The following GABRG3 variants were observed in gnomAD, a reference collection of about 807,000 sequenced individuals.
GABRG3 encodes gamma-aminobutyric acid receptor subunit gamma-3.
A neutral mutation model predicts 48.8 loss-of-function variants in GABRG3; 25 were observed. The observed-to-expected ratio is 0.51, with a 90% CI of 0.37 to 0.72. GABRG3 has a LOEUF of 0.72. Among genes scored for constraint, GABRG3 ranks in the 30% least tolerant of loss-of-function variants. The pLI is 0.00. For synonymous variants in GABRG3, 227 were observed against 217.6 expected, an observed-to-expected ratio of 1.04 and a Z score of -0.38; for missense variants, 394 against 577.9, an observed-to-expected ratio of 0.68 and a Z score of 3.26.
intron 3 of GABRG3, among the ~76,000 whole-genome samples, chr15:27,177,721 T>C (rs1057219989): frequency 3.3e-5 from 5 of 152,170 alleles, no homozygotes; most frequent in African/African-American, 7.2e-5. Flanking sequence ...TTAAATAAGG[T>C]AGCAAAATAG....
chr15:27,200,831 C>T (rs1888658023), intron 3 of GABRG3, among the ~76,000 whole-genome samples: 1 of 152,120 alleles, frequency 6.6e-6, no homozygotes, highest in African/African-American at 2.4e-5. Flanking sequence ...GTCTTCACTT[C>T]TGACAGAAGT....
intron 3 of GABRG3, among the ~76,000 whole-genome samples, chr15:27,127,947 A>G (rs1046825083): frequency 2.0e-5 from 3 of 152,202 alleles, no homozygotes; most frequent in African/African-American, 7.2e-5. Flanking sequence ...TGCTGGTGAT[A>G]AAGCGTCTCC....
intron 3 of GABRG3, among the ~76,000 whole-genome samples, chr15:27,063,314 G>A (rs969676621): frequency 6.6e-6 from 1 of 152,234 alleles, no homozygotes; most frequent in Non-Finnish European, 1.5e-5. Flanking sequence ...CTTGTGGAGT[G>A]CCTGATGTAG....
At chr15:27,200,234 T>A (rs1888638364) in intron 3 of GABRG3, among the ~76,000 whole-genome samples, 1 of 152,242 alleles carries the variant, frequency 6.6e-6, no homozygotes, top group African/African-American at 2.4e-5. Context: ...GTGCAGCTGT[T>A]GACCTGTTAA....
chr15:26,984,226 T>A (rs1895109022), intron 2 of GABRG3, among the ~76,000 whole-genome samples: 1 of 152,160 alleles, frequency 6.6e-6, no homozygotes, highest in African/African-American at 2.4e-5. Context: ...CTGGTCTTTT[T>A]TTTTCCCTCT....
chr15:27,471,622 C>T (rs572093774), intron 5 of GABRG3, among the ~76,000 whole-genome samples: 18 of 152,270 alleles, frequency 1.2e-4, no homozygotes, highest in Admixed American at 7.8e-4. Context: ...ATATCTGTTT[C>T]CCTATCATAA....
chr15:27,262,852 C>T (rs887418986), intron 3 of GABRG3, among the ~76,000 whole-genome samples: 7 of 152,184 alleles, frequency 4.6e-5, no homozygotes, highest in Non-Finnish European at 1.0e-4. Context: ...TTTGAGATAA[C>T]AGAGAGTGCA....
At chr15:27,133,193 A>G (rs1191202398) in intron 3 of GABRG3, among the ~76,000 whole-genome samples, 1 of 152,104 alleles carries the variant, frequency 6.6e-6, no homozygotes, top group South Asian at 2.1e-4. Context: ...AGTGAATATG[A>G]TCATCCTTCC....
intron 5 of GABRG3, among the ~76,000 whole-genome samples, chr15:27,418,097 C>G (rs1329557792): frequency 6.6e-6 from 1 of 152,216 alleles, no homozygotes; most frequent in Non-Finnish European, 1.5e-5. Context: ...CTACAAAGCA[C>G]TGAATGCTCA....
chr15:27,307,789 T>TATATAAAATAAACATAAAC (rs1485899747), intron 3 of GABRG3, among the ~76,000 whole-genome samples: 47 of 67,806 alleles, frequency 6.9e-4, no homozygotes, highest in African/African-American at 1.5e-3. Flanking sequence ...TATATAAACA[T>TATATAAAATAAACATAAAC]ATATATAAAA....
chr15:27,359,242 C>G (rs150752672), intron 5 of GABRG3, among the ~76,000 whole-genome samples: 18 of 152,216 alleles, frequency 1.2e-4, no homozygotes, highest in Non-Finnish European at 2.2e-4. Context: ...CTCCCCGCTA[C>G]GGTGGGGAGA....
At chr15:27,210,225 C>G (rs1229299967) in intron 3 of GABRG3, among the ~76,000 whole-genome samples, 1 of 152,180 alleles carries the variant, frequency 6.6e-6, no homozygotes, top group Non-Finnish European at 1.5e-5. Flanking sequence ...GCCCCCATTC[C>G]TCCTCAGCAC....
At position 27,532,965 on chromosome 15, in the gene GABRG3, G is replaced by A; in HGVS notation, c.*84G>A. 3.0e-6 allele frequency: 4 copies of A among 1,342,194 alleles called. No homozygotes were observed. In the African/African-American group the frequency reaches 4.3e-5, roughly 15 times the overall value. 83.1% of individuals were successfully genotyped at this position (1,342,194 alleles called of 1,614,324 possible). A position where few individuals can be genotyped will look rare whatever the true frequency, so the allele number is the denominator to read the frequency against. On this transcript the variant is annotated 3_prime_UTR_variant, in exon 10 of 10. Transcript: ENST00000615808. ...CCAGACCAGTAGTGACCAATCGGGA[G>A]TAGCAAGGAAGGACACTGCCCAGTG...
chr15:27,223,303 T>A (rs547982550), intron 3 of GABRG3, among the ~76,000 whole-genome samples: 3 of 152,294 alleles, frequency 2.0e-5, no homozygotes, highest in South Asian at 2.1e-4. Flanking sequence ...TCTGTCTAGG[T>A]CCCTTGCATG....
chr15:27,307,545 ATAGGTT>A (rs1392574326), intron 3 of GABRG3, among the ~76,000 whole-genome samples: 6 of 61,020 alleles, frequency 9.8e-5, no homozygotes, highest in African/African-American at 1.7e-4. Flanking sequence ...ATATATAAAC[ATAGGTT>A]TATAGGTTTA....
At chr15:27,027,258 T>G (rs545590245) in intron 3 of GABRG3, among the ~76,000 whole-genome samples, 1 of 152,208 alleles carries the variant, frequency 6.6e-6, no homozygotes, top group Non-Finnish European at 1.5e-5. Context: ...CCCTTCCCTG[T>G]GCAAAAGTGC....
intron 5 of GABRG3, chr15:27,366,255 G>C (rs1345059694): frequency 6.6e-6 from 1 of 152,202 alleles, no homozygotes; most frequent in African/African-American, 2.4e-5. Context: ...ATCATGATGA[G>C]CCCACGGTCA....
chr15:27,347,316 AC>A (rs1894407918), intron 5 of GABRG3, among the ~76,000 whole-genome samples: 2 of 152,180 alleles, frequency 1.3e-5, no homozygotes, highest in African/African-American at 4.8e-5. Flanking sequence ...CTGTAATCTT[AC>A]ATTTGCACTC....
chr15:27,181,465 G>A (rs1475338855), intron 3 of GABRG3, among the ~76,000 whole-genome samples: 2 of 152,136 alleles, frequency 1.3e-5, no homozygotes, highest in African/African-American at 2.4e-5. Context: ...CAGACTTGTG[G>A]CTGCACAGAG....
Sources: allele counts gnomAD v4.1 joint callset (sites outside exome capture counted in the v4.1 genomes callset), GRCh38; gene constraint gnomAD v4.1.1; transcripts MANE v1.5; gene names NCBI Gene and HGNC (gene_info 2026-07-23, HGNC 2026-07-21).